ARHGAP26: variants seen among roughly 807,000 people sequenced by gnomAD.
The protein encoded by ARHGAP26 is Rho GTPase activating protein 26.
ARHGAP26 carries 38 observed loss-of-function variants against 104.8 expected under a neutral mutation model. That is an observed-to-expected ratio of 0.36 (90% confidence interval 0.28 to 0.48). The LOEUF is 0.48. Among genes scored for constraint, ARHGAP26 ranks in the 20% least tolerant of loss-of-function variants. The pLI is 0.99. For synonymous variants in ARHGAP26, 341 were observed against 340.0 expected, an observed-to-expected ratio of 1.00 and a Z score of -0.03; for missense variants, 704 against 947.9, an observed-to-expected ratio of 0.74 and a Z score of 3.38.
intron 1 of ARHGAP26, among the ~76,000 whole-genome samples, chr5:142,825,476 C>G (rs929374806): frequency 4.6e-5 from 7 of 152,232 alleles, no homozygotes; most frequent in Middle Eastern, 3.4e-3. Flanking sequence ...GTCTCCTTCC[C>G]GTTGTCCAGC....
intron 11 of ARHGAP26, among the ~76,000 whole-genome samples, chr5:142,936,169 G>T (rs1177943846): frequency 6.6e-6 from 1 of 150,496 alleles, no homozygotes; most frequent in Non-Finnish European, 1.5e-5. Flanking sequence ...TAGTAGGTGA[G>T]TTCAGCAAGG....
chr5:142,885,074 G>A (rs1434407260), intron 4 of ARHGAP26, among the ~76,000 whole-genome samples: 1 of 152,124 alleles, frequency 6.6e-6, no homozygotes, highest in African/African-American at 2.4e-5. Flanking sequence ...TTAGATATTC[G>A]TATTTACCTC....
intron 1 of ARHGAP26, among the ~76,000 whole-genome samples, chr5:142,799,821 C>T (rs568008505): frequency 2.6e-5 from 4 of 152,306 alleles, no homozygotes; most frequent in South Asian, 4.1e-4. Context: ...TTCATGAGGG[C>T]GGAGCCCCCA....
At chr5:143,108,740 A>G (rs3822387) in intron 17 of ARHGAP26, among the ~76,000 whole-genome samples, 116,679 of 152,238 alleles carry the variant, frequency 0.77, 48,044 homozygotes, top group Non-Finnish European at 0.92. Context: ...TCATGAGTGT[A>G]TGCTTCTTTA....
At chr5:143,130,508 A>G (rs1024059691) in intron 18 of ARHGAP26, among the ~76,000 whole-genome samples, 1 of 152,202 alleles carries the variant, frequency 6.6e-6, no homozygotes, top group Non-Finnish European at 1.5e-5. Context: ...CCATAAATCC[A>G]TGGCTCATAG....
intron 3 of ARHGAP26, among the ~76,000 whole-genome samples, chr5:142,876,854 C>T (rs1442071305): frequency 4.0e-5 from 6 of 150,362 alleles, no homozygotes; most frequent in African/African-American, 9.8e-5. Context: ...TTTTGCCCTA[C>T]GGAAAGACCA....
At chr5:142,887,109 A>G (rs1319228039) in intron 5 of ARHGAP26, among the ~76,000 whole-genome samples, 1 of 152,240 alleles carries the variant, frequency 6.6e-6, no homozygotes, top group Non-Finnish European at 1.5e-5. Flanking sequence ...GTTACCCTGT[A>G]GGCATGGCAT....
At chr5:142,903,303 C>T (rs1760640830) in intron 7 of ARHGAP26, among the ~76,000 whole-genome samples, 1 of 152,118 alleles carries the variant, frequency 6.6e-6, no homozygotes, top group African/African-American at 2.4e-5. Flanking sequence ...GAGGGCTGGG[C>T]ATTTGCATTT....
At chr5:143,199,673 C>T (rs1432032651) in intron 20 of ARHGAP26, among the ~76,000 whole-genome samples, 1 of 152,166 alleles carries the variant, frequency 6.6e-6, no homozygotes, top group Admixed American at 6.5e-5. Context: ...AGCCCTGGGC[C>T]GGTGATCCGA....
chr5:143,133,336 G>A (rs1176067663), intron 18 of ARHGAP26, among the ~76,000 whole-genome samples: 3 of 151,884 alleles, frequency 2.0e-5, no homozygotes, highest in African/African-American at 7.3e-5. Flanking sequence ...TTTTCAAATT[G>A]TCCATAGTAC....
intron 1 of ARHGAP26, among the ~76,000 whole-genome samples, chr5:142,865,440 G>A (rs7726056): frequency 0.17 from 25,972 of 149,640 alleles, 3,420 homozygotes; most frequent in East Asian, 0.56. Context: ...TGTATAAGTC[G>A]TAGTGGGCCC....
At chr5:142,995,603 G>A (rs1776263915) in intron 11 of ARHGAP26, among the ~76,000 whole-genome samples, 1 of 152,218 alleles carries the variant, frequency 6.6e-6, no homozygotes, top group Non-Finnish European at 1.5e-5. Context: ...AGACAGTGTG[G>A]TGATTCTTCA....
chr5:142,771,153 G>T, intron 1 of ARHGAP26: 1 of 1,292,828 alleles, frequency 7.7e-7, no homozygotes, highest in Non-Finnish European at 9.8e-7. Flanking sequence ...AGGTGACCCA[G>T]CGCGGGTGGT....
intron 11 of ARHGAP26, among the ~76,000 whole-genome samples, chr5:143,013,456 C>T (rs990250752): frequency 1.3e-5 from 2 of 152,056 alleles, no homozygotes; most frequent in Non-Finnish European, 2.9e-5. Context: ...TTGTGATTTA[C>T]ATTATTTAAG....
At chr5:142,910,849 A>G (rs1761737147) in intron 9 of ARHGAP26, among the ~76,000 whole-genome samples, 1 of 152,232 alleles carries the variant, frequency 6.6e-6, no homozygotes, top group South Asian at 2.1e-4. Context: ...AGTGTTTTCT[A>G]CTATGCTTGG....
intron 10 of ARHGAP26, among the ~76,000 whole-genome samples, chr5:142,926,327 GA>G (rs1763895138): frequency 6.6e-6 from 1 of 151,212 alleles, no homozygotes; most frequent in Non-Finnish European, 1.5e-5. Flanking sequence ...CCTCGTTCAT[GA>G]TTCTTAAGCA....
At chr5:143,170,830 C>T (rs1599351401) in intron 20 of ARHGAP26, among the ~76,000 whole-genome samples, 1 of 152,180 alleles carries the variant, frequency 6.6e-6, no homozygotes, top group East Asian at 1.9e-4. Flanking sequence ...TGGCAAGCTA[C>T]AGAAGCTGGG....
chr5:142,803,110 G>A (rs1220749373), intron 1 of ARHGAP26, among the ~76,000 whole-genome samples: 1 of 152,098 alleles, frequency 6.6e-6, no homozygotes. Context: ...TGAAAGAATG[G>A]TTAATTGAAC....
At chr5:143,004,364 C>T (rs1404834326) in intron 11 of ARHGAP26, among the ~76,000 whole-genome samples, 1 of 152,174 alleles carries the variant, frequency 6.6e-6, no homozygotes. Context: ...ATGCTCCATC[C>T]ACCACTTGAC....
Sources: gnomAD v4.1 joint callset for allele counts (sites outside exome capture counted in the v4.1 genomes callset) on GRCh38, gnomAD v4.1.1 for gene constraint, MANE v1.5 for transcripts, NCBI Gene and HGNC (gene_info 2026-07-23, HGNC 2026-07-21) for gene names.